Variants in MBNL1 observed in about 807,000 individuals in gnomAD.
MBNL1 encodes muscleblind like splicing regulator 1, also known as muscleblind-like protein 1.
Under a neutral mutation model 42.2 loss-of-function variants are expected in MBNL1, and 8 were observed. That is an observed-to-expected ratio of 0.19 (90% CI 0.11 to 0.34). The LOEUF (loss-of-function observed/expected upper bound fraction) is 0.34. MBNL1 is among the 10% of genes least tolerant of loss of function. MBNL1 has a pLI of 1.00. For synonymous variants in MBNL1, 169 were observed against 173.9 expected, an observed-to-expected ratio of 0.97 and a Z score of 0.22; for missense variants, 309 against 495.3, an observed-to-expected ratio of 0.62 and a Z score of 3.57.
At chr3:152,397,350 C>T (rs1016515770) in intron 2 of MBNL1, among the ~76,000 whole-genome samples, 13 of 152,132 alleles carry the variant, frequency 8.5e-5, no homozygotes, top group Non-Finnish European at 2.9e-5. Flanking sequence ...GATGCTGTCC[C>T]TCTGCTAGCA....
intron 8 of MBNL1, chr3:152,458,532 AT>A: frequency 3.7e-6 from 1 of 269,484 alleles, no homozygotes; most frequent in East Asian, 8.8e-5. Flanking sequence ...CACCCGTGTC[AT>A]CAGTCCTCTG....
intron 2 of MBNL1, among the ~76,000 whole-genome samples, chr3:152,376,796 G>A (rs1398116738): frequency 1.3e-5 from 2 of 151,628 alleles, no homozygotes; most frequent in African/African-American, 4.8e-5. Context: ...ACACACACAC[G>A]TGCATGCGCA....
intron 9 of MBNL1, 63 bp from the exon 10 acceptor site, chr3:152,462,322 A>G (rs908645170): frequency 1.3e-5 from 2 of 152,204 alleles, no homozygotes; most frequent in Admixed American, 1.3e-4. Context: ...TATTAAATGT[A>G]TATTAGAAAC....
chr3:152,291,527 G>A lies in MBNL1; in HGVS notation c.-789-7878G>A, dbSNP rs376668211. 5.1e-4 allele frequency among the ~76,000 whole-genome samples: 78 copies of A among 152,188 alleles called. 3 individuals carry two copies. The South Asian group carries it at 0.015, about 30-fold the overall frequency. On this transcript the variant is annotated intron_variant, in intron 1 of 9. Coordinates refer to ENST00000324210, the MANE Select transcript of MBNL1 (RefSeq NM_021038.5). ...TATAGCTTAAGCATTGTAATTTGTC[G>A]AAAATACAAACTAGTCTGATATACT...
At chr3:152,453,287 C>G (rs964706307) in intron 6 of MBNL1, among the ~76,000 whole-genome samples, 4 of 152,110 alleles carry the variant, frequency 2.6e-5, no homozygotes, top group African/African-American at 9.7e-5. Flanking sequence ...CCCTTCTACT[C>G]CAAGTAATTT....
chr3:152,279,253 C>T (rs1300305082), intron 1 of MBNL1, among the ~76,000 whole-genome samples: 1 of 152,074 alleles, frequency 6.6e-6, no homozygotes, highest in Non-Finnish European at 1.5e-5. Flanking sequence ...CAGGAATCAT[C>T]ATCCTCTTAG....
chr3:152,282,748 A>G (rs1030118070), intron 1 of MBNL1, among the ~76,000 whole-genome samples: 2 of 152,180 alleles, frequency 1.3e-5, no homozygotes, highest in African/African-American at 2.4e-5. Flanking sequence ...AGCATCTACC[A>G]ATGTTAGATT....
intron 4 of MBNL1, among the ~76,000 whole-genome samples, chr3:152,433,736 C>T (rs1220877948): frequency 3.9e-4 from 52 of 134,030 alleles, no homozygotes; most frequent in African/African-American, 1.5e-3. Context: ...GGCGACAGAG[C>T]GAGACTCCGT....
Position 152,248,953 on chromosome 3 carries a change from T to C in MBNL1, n.333+4513T>C, listed in dbSNP as rs1188680535. Among the ~76,000 whole-genome samples, 94 of 152,084 alleles carry C rather than the reference T, an allele frequency of 6.2e-4. 3 individuals are homozygous for C. In the South Asian group the frequency reaches 0.019, roughly 30 times the overall value. ...CCCTGCAAAGGACATGAACTCATCA[T>C]TTTTTATGGCTGCATAGTATTCCAT... On this transcript the variant is annotated intron_variant and non_coding_transcript_variant, in intron 2 of 2. Coordinates refer to the MBNL1 transcript ENST00000477171.
chr3:152,274,648 T>C (rs1252906864), intron 1 of MBNL1, among the ~76,000 whole-genome samples: 1 of 152,146 alleles, frequency 6.6e-6, no homozygotes, highest in Non-Finnish European at 1.5e-5. Flanking sequence ...CAGCAATGGT[T>C]CCATATTTTC....
intron 2 of MBNL1, among the ~76,000 whole-genome samples, chr3:152,392,016 C>T (rs1285149118): frequency 6.6e-6 from 1 of 151,766 alleles, no homozygotes; most frequent in Non-Finnish European, 1.5e-5. Context: ...TGCAAACTGT[C>T]GTTTCTTTTA....
At chr3:152,441,719 A>C (rs570331428) in intron 4 of MBNL1, among the ~76,000 whole-genome samples, 1 of 152,248 alleles carries the variant, frequency 6.6e-6, no homozygotes, top group African/African-American at 2.4e-5. Flanking sequence ...TAAAAGGCTC[A>C]TGTTGAATCA....
At chr3:152,373,283 C>G (rs1187241484) in intron 2 of MBNL1, among the ~76,000 whole-genome samples, 3 of 149,458 alleles carry the variant, frequency 2.0e-5, no homozygotes, top group African/African-American at 7.4e-5. Context: ...GGCTTCAGTT[C>G]CCTTTCCAGG....
At chr3:152,312,261 A>G (rs1311227394) in intron 2 of MBNL1, among the ~76,000 whole-genome samples, 1 of 151,860 alleles carries the variant, frequency 6.6e-6, no homozygotes, top group African/African-American at 2.4e-5. Flanking sequence ...AAAATACTCC[A>G]TGGGAAATAT....
intron 2 of MBNL1, chr3:152,396,141 C>A: frequency 6.0e-6 from 2 of 332,430 alleles, no homozygotes; most frequent in South Asian, 2.4e-5. Context: ...GCCTGATGAT[C>A]AGTCACTGTC....
intron 2 of MBNL1, among the ~76,000 whole-genome samples, chr3:152,346,881 T>TAAAA (rs35680881): frequency 7.0e-6 from 1 of 141,848 alleles, no homozygotes; most frequent in Admixed American, 7.0e-5. Flanking sequence ...TCACTTTAAT[T>TAAAA]AAAAAAAAAA....
chr3:152,304,716 G>A (rs781596301), intron 2 of MBNL1, among the ~76,000 whole-genome samples: 1 of 152,162 alleles, frequency 6.6e-6, no homozygotes, highest in African/African-American at 2.4e-5. Context: ...AGGTCCCTAA[G>A]GAGAAACTTC....
At position 152,434,458 on chromosome 3, in the gene MBNL1, T is replaced by C. The variant is rs1200240215; in HGVS notation, c.549+1538T>C. Reference sequence around the variant, plus strand: ...TTTTCTTTATCCAGGCTACTATTGATGGGCACTTAAGTTGATTCTATGTTT... The same window carrying C: ...TTTTCTTTATCCAGGCTACTATTGACGGGCACTTAAGTTGATTCTATGTTT... On this transcript the variant is annotated intron_variant, in intron 4 of 9. Coordinates refer to ENST00000324210, the MANE Select transcript of MBNL1 (RefSeq NM_021038.5). 1.6e-4 allele frequency among the ~76,000 whole-genome samples: 25 copies of C among 152,228 alleles called. 1 individual carries two copies. The highest frequency in any genetic ancestry group is 1.6e-3 in the Admixed American group (25 of 15,284).
At chr3:152,386,604 T>G (rs1338485574) in intron 2 of MBNL1, among the ~76,000 whole-genome samples, 1 of 152,080 alleles carries the variant, frequency 6.6e-6, no homozygotes, top group Non-Finnish European at 1.5e-5. Context: ...GTATGTGTAG[T>G]AAGTTGCTGT....
Sources: gnomAD v4.1 joint callset for allele counts (sites outside exome capture counted in the v4.1 genomes callset) on GRCh38, gnomAD v4.1.1 for gene constraint, MANE v1.5 for transcripts, NCBI Gene and HGNC (gene_info 2026-07-23, HGNC 2026-07-21) for gene names.